The following THEM6 variants were observed in gnomAD, a reference collection of about 807,000 sequenced individuals.
THEM6 encodes the protein thioesterase superfamily member 6.
Under a neutral mutation model 13.7 loss-of-function variants are expected in THEM6, and 10 were observed. The ratio of observed to expected loss-of-function variants is 0.73; its 90% CI spans 0.45 to 1.24. The LOEUF (loss-of-function observed/expected upper bound fraction) is 1.24. Ranked by LOEUF, THEM6 falls within the 50% of genes most tolerant of loss-of-function variation. The probability of loss-of-function intolerance (pLI) is 0.00; values close to 1 mark genes in which losing one functional copy is unlikely to be tolerated. For missense variants in THEM6, 317 were observed against 312.6 expected (o/e 1.01, Z -0.11); for synonymous variants, 161 against 156.0 (o/e 1.03, Z -0.24).
intron 1 of THEM6, among the ~76,000 whole-genome samples, chr8:142,734,346 C>T (rs778604273): frequency 2.3e-4 from 35 of 152,188 alleles, no homozygotes; most frequent in Non-Finnish European, 4.1e-4. Flanking sequence ...GCACGGAGGC[C>T]GAGGAGATGG....
At position 142,727,921 on chromosome 8, in the gene THEM6, C is replaced by T. The variant is rs1408601103; in HGVS notation, c.513+62C>T. The stretch of plus-strand genomic sequence containing the variant: ...TTTGTGGGACCTCCGGGGGCTCCTC[C>T]TAGTCCCTGGCCCCCTCCCCTAGGG... On this transcript the variant is annotated intron_variant, in intron 1 of 1. Transcript: ENST00000336138. The T allele has an allele frequency of 4.4e-6, 6 of 1,365,016 alleles. No homozygotes were observed. In the South Asian group the frequency reaches 5.1e-5, roughly 12 times the overall value. 84.6% of individuals were successfully genotyped at this position (1,365,016 alleles called of 1,614,324 possible). A position where few individuals can be genotyped will look rare whatever the true frequency, so the allele number is the denominator to read the frequency against.
At chr8:142,729,468 T>C (rs1332185671) in intron 1 of THEM6, among the ~76,000 whole-genome samples, 5 of 152,236 alleles carry the variant, frequency 3.3e-5, no homozygotes, top group Non-Finnish European at 7.3e-5. Flanking sequence ...GATTTGCATC[T>C]TGATACTCTC....
chr8:142,727,326 C>G lies in THEM6; in HGVS notation c.-21C>G. 6.7e-7 allele frequency: 1 copy of G among 1,499,426 alleles called. No homozygotes were observed. Among genetic ancestry groups the G allele is most frequent in the Non-Finnish European group, 8.8e-7 (1 of 1,131,940 alleles). The allele number at this position is 1,499,426 out of a possible 1,614,324, so 92.9% of individuals were successfully genotyped here. A position where few individuals can be genotyped will look rare whatever the true frequency, so the allele number is the denominator to read the frequency against. On this transcript the variant is annotated 5_prime_UTR_variant, in exon 1 of 2. Transcript: ENST00000336138. ...ACCGGCGCCACGGACTCCGCAGGACCCCGCGCCCGCCGCCGCCGCTATGCT... is the reference window on the plus strand; with the variant it reads ...ACCGGCGCCACGGACTCCGCAGGACGCCGCGCCCGCCGCCGCCGCTATGCT...
In THEM6 at chr8:142,732,617, T is replaced by G. The variant is rs587769051; in HGVS notation, c.514-2709T>G. Among the ~76,000 whole-genome samples, 17 of 152,206 alleles carry G rather than the reference T, an allele frequency of 1.1e-4. No individual in the cohort carries two copies. In the South Asian group the frequency reaches 3.5e-3, roughly 32 times the overall value. ...AGAATTTCACCACCAAGGAAGTACT[T>G]TACCAGCTTCTGTGGCTTCTCCTTC... On this transcript the variant is annotated intron_variant, in intron 1 of 1. Coordinates refer to ENST00000336138, the MANE Select transcript of THEM6 (RefSeq NM_016647.3).
chr8:142,731,560 T>C (rs1242382889), intron 1 of THEM6, among the ~76,000 whole-genome samples: 1 of 152,238 alleles, frequency 6.6e-6, no homozygotes, highest in East Asian at 1.9e-4. Context: ...ACGCTATTTC[T>C]TTTTCTCAGT....
chr8:142,732,005 A>G (rs587706553), intron 1 of THEM6, among the ~76,000 whole-genome samples: 1 of 149,778 alleles, frequency 6.7e-6, no homozygotes, highest in East Asian at 2.0e-4. Context: ...TTCCTCTCCT[A>G]GTTCTTTTTC....
intron 1 of THEM6, among the ~76,000 whole-genome samples, chr8:142,730,618 C>A (rs1383980621): frequency 2.0e-5 from 3 of 152,202 alleles, no homozygotes; most frequent in Non-Finnish European, 4.4e-5. Flanking sequence ...ACTTACCTGG[C>A]CACCTTCAGG....
At chr8:142,734,219 GT>G (rs1815710719) in intron 1 of THEM6, among the ~76,000 whole-genome samples, 1 of 152,154 alleles carries the variant, frequency 6.6e-6, no homozygotes, top group South Asian at 2.1e-4. Context: ...GTTATTTTTG[GT>G]TTACAGTCAG....
intron 1 of THEM6, among the ~76,000 whole-genome samples, chr8:142,729,780 A>G (rs1306853086): frequency 6.6e-6 from 1 of 152,136 alleles, no homozygotes; most frequent in African/African-American, 2.4e-5. Context: ...AGTGAAATAG[A>G]TGAGGGGTTT....
At chr8:142,732,536 C>T (rs1333814371) in intron 1 of THEM6, among the ~76,000 whole-genome samples, 1 of 151,914 alleles carries the variant, frequency 6.6e-6, no homozygotes, top group African/African-American at 2.4e-5. Flanking sequence ...CCACACAAAC[C>T]ACACTGCAAG....
chr8:142,732,319 C>T (rs1587583520), intron 1 of THEM6, among the ~76,000 whole-genome samples: 1 of 150,424 alleles, frequency 6.6e-6, no homozygotes, highest in South Asian at 2.1e-4. Flanking sequence ...GACCTGTTTC[C>T]TCCTTTCCCC....
At chr8:142,732,449 A>C (rs371760038) in intron 1 of THEM6, among the ~76,000 whole-genome samples, 2 of 151,666 alleles carry the variant, frequency 1.3e-5, no homozygotes, top group East Asian at 1.9e-4. Flanking sequence ...GACCTGCCCT[A>C]AGCCATATGA....
chr8:142,729,054 T>C (rs914867001), intron 1 of THEM6, among the ~76,000 whole-genome samples: 1 of 150,762 alleles, frequency 6.6e-6, no homozygotes, highest in Non-Finnish European at 1.5e-5. Context: ...ATTCTCCTGC[T>C]TCAGCCTCCC....
At chr8:142,732,072 CT>C (rs1815656629) in intron 1 of THEM6, among the ~76,000 whole-genome samples, 2 of 149,672 alleles carry the variant, frequency 1.3e-5, no homozygotes, top group South Asian at 2.1e-4. Flanking sequence ...GTTTTCCCCC[CT>C]CTCCTTCCCC....
chr8:142,732,851 C>T (rs981643570), intron 1 of THEM6, among the ~76,000 whole-genome samples: 6 of 152,118 alleles, frequency 3.9e-5, no homozygotes, highest in Admixed American at 6.5e-5. Flanking sequence ...AGACCGCCCC[C>T]GCAGGAGAAT....
Position 142,732,181 on chromosome 8 carries a change from T to C in THEM6, c.514-3145T>C, listed in dbSNP as rs866523358. ...TTTTGAATATATATATATATATATA[T>C]ATATATATATATATATATATATATA... On this transcript the variant is annotated intron_variant, in intron 1 of 1. Transcript: ENST00000336138. Among the ~76,000 whole-genome samples the C allele has an allele frequency of 6.8e-3, 541 of 79,970 alleles. 27 individuals are homozygous for C. Among genetic ancestry groups the C allele is most frequent in the African/African-American group, 8.7e-3 (172 of 19,684 alleles). 52.5% of individuals were successfully genotyped at this position (79,970 alleles called of 152,430 possible). A position where few individuals can be genotyped will look rare whatever the true frequency, so the allele number is the denominator to read the frequency against.
At chr8:142,733,210 A>G (rs1357930604) in intron 1 of THEM6, among the ~76,000 whole-genome samples, 1 of 152,236 alleles carries the variant, frequency 6.6e-6, no homozygotes, top group Admixed American at 6.5e-5. Flanking sequence ...TGAGAAAGGT[A>G]AAAACACCTT....
intron 1 of THEM6, among the ~76,000 whole-genome samples, chr8:142,732,376 G>GC (rs906221915): frequency 8.0e-5 from 12 of 149,590 alleles, no homozygotes; most frequent in South Asian, 4.3e-4. Flanking sequence ...CTCTCTGGTC[G>GC]CCCCCCCAAG....
At chr8:142,728,633 T>C (rs1587580473) in intron 1 of THEM6, among the ~76,000 whole-genome samples, 1 of 152,200 alleles carries the variant, frequency 6.6e-6, no homozygotes, top group Admixed American at 6.5e-5. Context: ...CAACGTCTCA[T>C]CTCAGTCCTG....
Sources: gnomAD v4.1 joint callset for allele counts (sites outside exome capture counted in the v4.1 genomes callset) on GRCh38, gnomAD v4.1.1 for gene constraint, MANE v1.5 for transcripts, NCBI Gene and HGNC (gene_info 2026-07-23, HGNC 2026-07-21) for gene names.